The following APP variants were observed in gnomAD, a reference collection of about 807,000 sequenced individuals.
APP encodes amyloid-beta precursor protein.
Under a neutral mutation model 101.4 loss-of-function variants are expected in APP, and 31 were observed. The observed-to-expected ratio is 0.31, with a 90% CI of 0.23 to 0.41. The LOEUF is 0.41. Ranked by LOEUF, APP falls within the 10% of genes least tolerant of loss-of-function variation. The pLI is 1.00. For synonymous variants in APP, 366 were observed against 364.4 expected (o/e 1.00, Z -0.05); for missense variants, 839 against 1,003.7 (o/e 0.84, Z 2.22).
chr21:25,888,913 G>C (rs1315563999), intron 17 of APP, among the ~76,000 whole-genome samples: 1 of 152,188 alleles, frequency 6.6e-6, no homozygotes, highest in East Asian at 1.9e-4. Flanking sequence ...TGATGTGTCA[G>C]GGATTCTCAA....
chr21:26,088,830 A>G (rs2061758273), intron 3 of APP, among the ~76,000 whole-genome samples: 1 of 152,200 alleles, frequency 6.6e-6, no homozygotes, highest in South Asian at 2.1e-4. Context: ...TAAGAAATCT[A>G]GTTTTCTACA....
intron 1 of APP, among the ~76,000 whole-genome samples, chr21:26,160,658 A>C (rs1021968236): frequency 1.3e-5 from 2 of 152,182 alleles, no homozygotes; most frequent in African/African-American, 4.8e-5. Context: ...AAAATGGCCA[A>C]AAAAGGAGCC....
At chr21:25,914,214 G>C (rs528804055) in intron 13 of APP, among the ~76,000 whole-genome samples, 121 of 151,814 alleles carry the variant, frequency 8.0e-4, no homozygotes, top group African/African-American at 2.8e-3. Flanking sequence ...TTCTATTTCT[G>C]AATTCTCTCA....
intron 14 of APP, among the ~76,000 whole-genome samples, chr21:25,908,805 G>A (rs2038917428): frequency 6.6e-6 from 1 of 151,888 alleles, no homozygotes; most frequent in Non-Finnish European, 1.5e-5. Context: ...AGGAATTATT[G>A]TCAACCTTAT....
At chr21:26,053,737 C>A (rs1234050260) in intron 3 of APP, among the ~76,000 whole-genome samples, 2 of 152,162 alleles carry the variant, frequency 1.3e-5, no homozygotes, top group Admixed American at 1.3e-4. Context: ...ATATAAATCC[C>A]TACTTTTCTT....
chr21:26,147,410 A>G (rs191116198), intron 1 of APP, among the ~76,000 whole-genome samples: 75 of 152,316 alleles, frequency 4.9e-4, no homozygotes, highest in African/African-American at 1.7e-3. Context: ...GCTAAAACCG[A>G]CTGGTGTAAC....
At chr21:26,158,608 C>T (rs926858707) in intron 1 of APP, among the ~76,000 whole-genome samples, 4 of 152,168 alleles carry the variant, frequency 2.6e-5, no homozygotes, top group African/African-American at 9.7e-5. Context: ...TGCCTCGTCC[C>T]CATTTTAGGA....
At chr21:25,990,017 G>A (rs2042797716) in intron 8 of APP, among the ~76,000 whole-genome samples, 1 of 151,734 alleles carries the variant, frequency 6.6e-6, no homozygotes, top group African/African-American at 2.4e-5. Flanking sequence ...TAACCATTAA[G>A]TCCAAGATAG....
At chr21:26,112,223 AT>A (rs1449181865) in intron 1 of APP, 77 bp from the exon 2 acceptor site, 2 of 1,471,242 alleles carry the variant, frequency 1.4e-6, no homozygotes, top group East Asian at 4.5e-5. Context: ...AGGGATAACT[AT>A]CAAAAAGAGT....
intron 2 of APP, among the ~76,000 whole-genome samples, chr21:26,106,984 G>A (rs1053839509): frequency 4.6e-5 from 7 of 152,182 alleles, no homozygotes; most frequent in African/African-American, 9.7e-5. Flanking sequence ...AACAAGATAT[G>A]AGCAAAAGAG....
chr21:26,013,415 AT>A (rs796078575), intron 6 of APP, among the ~76,000 whole-genome samples: 183 of 146,926 alleles, frequency 1.2e-3, no homozygotes, highest in Non-Finnish European at 1.9e-3. Flanking sequence ...TTGAGGTTTG[AT>A]TTTTTTTTTT....
In APP at chr21:26,090,090, AAG is replaced by A. The variant is rs1266863940; in HGVS notation, c.226-20_226-19del. On this transcript the variant is annotated intron_variant, in intron 2 of 17. Coordinates refer to ENST00000346798, the MANE Select transcript of APP (RefSeq NM_000484.4). ...GGGTAGACCTGGGAGAGCACACAAA[AAG>A]AATCAATTGTTACTTGAGGCAGGGG... 1.2e-6 allele frequency: 2 copies of A among 1,613,832 alleles called. No homozygotes were observed. Among genetic ancestry groups the A allele is most frequent in the Middle Eastern group, 1.6e-4 (1 of 6,062 alleles).
chr21:25,881,899 T>C, intron 17 of APP, 128 bp from the exon 18 acceptor site: 1 of 955,700 alleles, frequency 1.0e-6, no homozygotes. Context: ...ACCCATAATT[T>C]TCTCCCCCAC....
chr21:26,066,664 C>T (rs1293602430), intron 3 of APP, among the ~76,000 whole-genome samples: 2 of 152,122 alleles, frequency 1.3e-5, no homozygotes, highest in Non-Finnish European at 2.9e-5. Context: ...AATTTTCATG[C>T]TTCTCTTCCA....
chr21:25,982,835 T>C (rs2042487583), intron 8 of APP, among the ~76,000 whole-genome samples: 1 of 152,342 alleles, frequency 6.6e-6, no homozygotes, highest in East Asian at 1.9e-4. Context: ...TTTTGCAATT[T>C]TGAAAGTAAA....
chr21:26,031,952 G>A (rs2044848183), intron 5 of APP, among the ~76,000 whole-genome samples: 1 of 152,204 alleles, frequency 6.6e-6, no homozygotes, highest in Admixed American at 6.5e-5. Flanking sequence ...TATCTGTCCA[G>A]GAGAAGAAGC....
At chr21:26,107,831 A>G (rs966910826) in intron 2 of APP, among the ~76,000 whole-genome samples, 5 of 152,170 alleles carry the variant, frequency 3.3e-5, no homozygotes, top group African/African-American at 1.2e-4. Flanking sequence ...CCCCCTTTGA[A>G]GAACAGGCCC....
At chr21:26,005,180 G>A (rs1055346991) in intron 6 of APP, among the ~76,000 whole-genome samples, 1 of 152,122 alleles carries the variant, frequency 6.6e-6, no homozygotes, top group African/African-American at 2.4e-5. Flanking sequence ...TTGGGAGGCC[G>A]AGGTGGGCAG....
chr21:26,117,673 C>CTG (rs145469984), intron 1 of APP, among the ~76,000 whole-genome samples: 19 of 151,616 alleles, frequency 1.3e-4, no homozygotes, highest in African/African-American at 3.6e-4. Flanking sequence ...GGCTTTGCCC[C>CTG]TGTGTGTGTG....
Sources: allele counts gnomAD v4.1 joint callset (sites outside exome capture counted in the v4.1 genomes callset), GRCh38; gene constraint gnomAD v4.1.1; transcripts MANE v1.5; gene names NCBI Gene and HGNC (gene_info 2026-07-23, HGNC 2026-07-21).